The following SLC25A12 variants were observed in gnomAD, a reference collection of about 807,000 sequenced individuals.
SLC25A12 encodes solute carrier family 25 member 12.
Under a neutral mutation model 83.3 loss-of-function variants are expected in SLC25A12, and 32 were observed. That is an observed-to-expected ratio of 0.38 (90% CI 0.29 to 0.52). The LOEUF is 0.52. SLC25A12 is among the 20% of genes least tolerant of loss of function. The pLI is 0.84. For synonymous variants in SLC25A12, 267 were observed against 291.1 expected, an observed-to-expected ratio of 0.92 and a Z score of 0.84; for missense variants, 611 against 835.6, an observed-to-expected ratio of 0.73 and a Z score of 3.31.
In SLC25A12 at chr2:171,812,619, C is replaced by CA. The variant is rs1553471085; in HGVS notation, c.1171+719_1171+720insT. Among the ~76,000 whole-genome samples, 6 of 151,508 alleles carry CA rather than the reference C, an allele frequency of 4.0e-5. 1 individual carries two copies. In the South Asian group the frequency reaches 1.0e-3, roughly 26 times the overall value. The stretch of plus-strand genomic sequence containing the variant: ...AAGAGACAAGTTCCTACAAAGACAA[C>CA]GGGGGGTGGGGAAAATTCTGCATGG... On this transcript the variant is annotated intron_variant, in intron 11 of 17. Coordinates refer to ENST00000422440, the MANE Select transcript of SLC25A12 (RefSeq NM_003705.5).
intron 2 of SLC25A12, among the ~76,000 whole-genome samples, chr2:171,890,536 C>T (rs1455224918): frequency 6.6e-6 from 1 of 151,826 alleles, no homozygotes; most frequent in Non-Finnish European, 1.5e-5. Flanking sequence ...GGCTGGAGTG[C>T]AGTGGTATGA....
chr2:171,805,879 C>A (rs1161725411), intron 13 of SLC25A12, among the ~76,000 whole-genome samples: 1 of 152,196 alleles, frequency 6.6e-6, no homozygotes, highest in African/African-American at 2.4e-5. Context: ...GAGGCCAAGG[C>A]AGGTGGGTTG....
At chr2:171,861,758 T>C (rs560567037) in intron 3 of SLC25A12, among the ~76,000 whole-genome samples, 1 of 152,234 alleles carries the variant, frequency 6.6e-6, no homozygotes, top group South Asian at 2.1e-4. Flanking sequence ...TGGATTCCTT[T>C]ATTGCTAGAA....
rs1159299770 is a variant in SLC25A12, at chr2:171,850,272, C to T, written c.325+5562G>A. ...CTGAGATTACAGGCACATGCCACCA[C>T]GCCCGGCTAATTTTTGTATTTTTGC... On this transcript the variant is annotated intron_variant, in intron 4 of 17. Transcript: ENST00000422440. 4.0e-5 allele frequency among the ~76,000 whole-genome samples: 6 copies of T among 149,576 alleles called. 1 individual carries two copies. The highest frequency in any genetic ancestry group is 2.1e-4 in the South Asian group (1 of 4,696).
intron 5 of SLC25A12, among the ~76,000 whole-genome samples, chr2:171,839,883 G>C (rs1002983695): frequency 6.6e-6 from 1 of 152,134 alleles, no homozygotes; most frequent in Non-Finnish European, 1.5e-5. Flanking sequence ...TTAAGAAGCA[G>C]TTAGTTACCC....
At chr2:171,793,123 G>T (rs201971828) in intron 14 of SLC25A12, among the ~76,000 whole-genome samples, 96 of 129,632 alleles carry the variant, frequency 7.4e-4, no homozygotes, top group Middle Eastern at 4.0e-3. Context: ...TTGTTGGTTT[G>T]TTTTTTTTTT....
chr2:171,817,421 G>T (rs142582399), intron 9 of SLC25A12, among the ~76,000 whole-genome samples: 1,603 of 151,854 alleles, frequency 0.011, 10 homozygotes, highest in Non-Finnish European at 0.017. Context: ...GGCCAACATG[G>T]TGAAACCCTC....
intron 1 of SLC25A12, 67 bp downstream of exon 1, chr2:171,894,136 G>T: frequency 6.4e-7 from 1 of 1,570,330 alleles, no homozygotes; most frequent in Non-Finnish European, 8.7e-7. Flanking sequence ...AAGCAGTGGG[G>T]GGCTGCAGGC....
In SLC25A12 at chr2:171,784,319, G is replaced by A. The variant is rs1690448868; in HGVS notation, c.*955C>T. The A allele has an allele frequency of 6.6e-6, 1 of 152,164 alleles. No individual in the cohort carries two copies. The highest frequency in any genetic ancestry group is 1.5e-5 in the Non-Finnish European group (1 of 68,014). The allele number at this position is 152,164 out of a possible 1,614,324, so 9.4% of individuals were successfully genotyped here. The stretch of plus-strand genomic sequence containing the variant: ...GTTATTTGCAATCAGTAGTCAATCA[G>A]AACAAAAAGTATTATCAGTATATTT... On this transcript the variant is annotated 3_prime_UTR_variant, in exon 18 of 18. Coordinates refer to ENST00000422440, the MANE Select transcript of SLC25A12 (RefSeq NM_003705.5).
chr2:171,859,847 C>T (rs1023836851), intron 3 of SLC25A12, among the ~76,000 whole-genome samples: 1 of 152,006 alleles, frequency 6.6e-6, no homozygotes, highest in Non-Finnish European at 1.5e-5. Context: ...CTGCAACCTC[C>T]GCCTCCACCT....
At position 171,783,710 on chromosome 2, in the gene SLC25A12, A is replaced by T. The variant is rs981898210; in HGVS notation, c.*1564T>A. Among the ~76,000 whole-genome samples, 1 of 152,220 alleles carries T rather than the reference A, an allele frequency of 6.6e-6. No homozygotes were observed. The highest frequency in any genetic ancestry group is 2.4e-5 in the African/African-American group (1 of 41,464). On this transcript the variant is annotated 3_prime_UTR_variant, in exon 18 of 18. Transcript: ENST00000422440. ...AATCACATATCCATGGACTACTTAT[A>T]TATTTCTAACAAGTGGTAGTAGCAA...
Position 171,787,557 on chromosome 2 carries a change from A to T in SLC25A12, c.1835+14T>A. On this transcript the variant is annotated intron_variant, in intron 17 of 17. Coordinates refer to ENST00000422440, the MANE Select transcript of SLC25A12 (RefSeq NM_003705.5). The stretch of plus-strand genomic sequence containing the variant: ...TAGTGATTTCTTTGTAAAGGAGTTG[A>T]GCAGCTGACTTACAGGCCTCCAAAA... 6.3e-7 allele frequency: 1 copy of T among 1,596,334 alleles called. No homozygotes were observed. The highest frequency in any genetic ancestry group is 1.1e-5 in the South Asian group (1 of 90,740).
intron 8 of SLC25A12, among the ~76,000 whole-genome samples, chr2:171,830,961 C>T (rs928349760): frequency 1.2e-4 from 19 of 152,158 alleles, no homozygotes; most frequent in African/African-American, 4.1e-4. Context: ...GGAAATGAAA[C>T]CCAGGTTGTA....
chr2:171,793,123 GTT>G (rs79549051), intron 14 of SLC25A12, among the ~76,000 whole-genome samples: 5 of 129,674 alleles, frequency 3.9e-5, no homozygotes, highest in Admixed American at 7.7e-5. Flanking sequence ...TTGTTGGTTT[GTT>G]TTTTTTTTTT....
At chr2:171,867,299 T>G (rs1280843061) in intron 3 of SLC25A12, among the ~76,000 whole-genome samples, 1 of 148,792 alleles carries the variant, frequency 6.7e-6, no homozygotes, top group African/African-American at 2.5e-5. Context: ...AGGTGGAGGT[T>G]GTAGCGAGCC....
chr2:171,811,838 C>T (rs1043629867), intron 11 of SLC25A12, among the ~76,000 whole-genome samples: 2 of 152,142 alleles, frequency 1.3e-5, no homozygotes, highest in African/African-American at 4.8e-5. Flanking sequence ...ATCTAGGTTC[C>T]TTTTAATAGG....
At chr2:171,836,960 G>A (rs1359051061) in intron 6 of SLC25A12, among the ~76,000 whole-genome samples, 161 bp downstream of exon 6, 2 of 146,470 alleles carry the variant, frequency 1.4e-5, no homozygotes, top group East Asian at 2.0e-4. Context: ...ACACACACAT[G>A]CACACACACA....
intron 8 of SLC25A12, among the ~76,000 whole-genome samples, chr2:171,827,499 G>A (rs985725980): frequency 2.6e-5 from 4 of 152,028 alleles, no homozygotes; most frequent in Non-Finnish European, 5.9e-5. Flanking sequence ...GCCTCCAATT[G>A]ATCACGGGCT....
chr2:171,825,802 G>A (rs2357064), intron 9 of SLC25A12, among the ~76,000 whole-genome samples: 120,118 of 152,088 alleles, frequency 0.79, 48,485 homozygotes, highest in East Asian at 0.91. Context: ...CTATAGAAGT[G>A]GAAGTTTCAA....
Sources: allele counts gnomAD v4.1 joint callset (sites outside exome capture counted in the v4.1 genomes callset), GRCh38; gene constraint gnomAD v4.1.1; transcripts MANE v1.5; gene names NCBI Gene and HGNC (gene_info 2026-07-23, HGNC 2026-07-21).